Variants in NEK6 observed in about 807,000 individuals in gnomAD.
NEK6 encodes the protein NIMA related kinase 6.
Under a neutral mutation model 43.5 loss-of-function variants are expected in NEK6, and 27 were observed. The observed-to-expected ratio is 0.62, with a 90% CI of 0.46 to 0.86. NEK6 has a LOEUF of 0.86. Ranked by LOEUF, NEK6 falls within the 40% of genes least tolerant of loss-of-function variation. The probability of loss-of-function intolerance (pLI) is 0.00; values close to 1 mark genes in which losing one functional copy is unlikely to be tolerated. For missense variants in NEK6, 318 were observed against 414.4 expected (o/e 0.77, Z 2.02); for synonymous variants, 167 against 164.1 (o/e 1.02, Z -0.14).
chr9:124,316,397 C>T (rs184586932), intron 4 of NEK6, among the ~76,000 whole-genome samples: 5 of 152,322 alleles, frequency 3.3e-5, no homozygotes. Flanking sequence ...GTGTTACATC[C>T]GGGAGGGCCT....
intron 1 of NEK6, among the ~76,000 whole-genome samples, chr9:124,294,422 G>A (rs948229755): frequency 3.3e-5 from 5 of 152,038 alleles, no homozygotes; most frequent in African/African-American, 1.2e-4. Flanking sequence ...AACCCAGGAG[G>A]CGGAGGTTGC....
chr9:124,321,683 C>T, intron 5 of NEK6, 114 bp downstream of exon 5: 1 of 703,488 alleles, frequency 1.4e-6, no homozygotes. Context: ...AGGCGGCCAC[C>T]CGGGGACCCT....
intron 1 of NEK6, among the ~76,000 whole-genome samples, chr9:124,264,604 A>C (rs1380228441): frequency 6.6e-6 from 1 of 152,152 alleles, no homozygotes; most frequent in Non-Finnish European, 1.5e-5. Context: ...CAGGAGTTTG[A>C]GACCAGCCCA....
intron 8 of NEK6, among the ~76,000 whole-genome samples, chr9:124,344,557 G>A (rs1023675866): frequency 1.3e-5 from 2 of 152,238 alleles, no homozygotes; most frequent in African/African-American, 2.4e-5. Flanking sequence ...GGGAGCCCCC[G>A]GTGGGAGCTG....
At chr9:124,258,941 T>C (rs1209621528) in intron 1 of NEK6, among the ~76,000 whole-genome samples, 1 of 152,248 alleles carries the variant, frequency 6.6e-6, no homozygotes, top group East Asian at 1.9e-4. Flanking sequence ...TCTTTGTTCT[T>C]GTCTCTCTCC....
chr9:124,289,159 G>C (rs978018465), intron 1 of NEK6, among the ~76,000 whole-genome samples: 1 of 123,120 alleles, frequency 8.1e-6, no homozygotes, highest in African/African-American at 3.3e-5. Context: ...TTAAGACTTT[G>C]ATTGGACACC....
intron 1 of NEK6, among the ~76,000 whole-genome samples, chr9:124,274,257 G>A (rs1361869831): frequency 6.6e-6 from 1 of 152,248 alleles, no homozygotes; most frequent in Non-Finnish European, 1.5e-5. Flanking sequence ...GCTGTGGCAG[G>A]GCATGTGATG....
intron 7 of NEK6, 70 bp from the exon 8 acceptor site, chr9:124,339,501 A>T: frequency 9.0e-7 from 1 of 1,117,024 alleles, no homozygotes; most frequent in African/African-American, 1.5e-5. Context: ...CCCTCCCTCC[A>T]ACCTCACCTC....
intron 2 of NEK6, among the ~76,000 whole-genome samples, chr9:124,303,080 C>A (rs899590453): frequency 1.3e-5 from 2 of 152,250 alleles, no homozygotes; most frequent in African/African-American, 4.8e-5. Context: ...CAGCAAGGCA[C>A]CTGATCCGGG....
intron 1 of NEK6, among the ~76,000 whole-genome samples, chr9:124,294,201 A>G (rs983434704): frequency 1.3e-5 from 2 of 152,332 alleles, no homozygotes; most frequent in African/African-American, 4.8e-5. Context: ...CCCCGTCTCT[A>G]CTAAAACTAC....
At chr9:124,295,291 C>T (rs965565686) in intron 1 of NEK6, among the ~76,000 whole-genome samples, 1 of 152,214 alleles carries the variant, frequency 6.6e-6, no homozygotes. Flanking sequence ...AGGACCCGGC[C>T]GGAAACCAGA....
At chr9:124,292,539 G>C (rs1393537118) in intron 1 of NEK6, 5 of 1,536,846 alleles carry the variant, frequency 3.3e-6, no homozygotes, top group African/African-American at 1.4e-5. Context: ...TGGGACCCAG[G>C]GTGAGTTTTT....
At chr9:124,327,301 C>T (rs1564650318) in intron 6 of NEK6, 37 bp from the exon 7 acceptor site, 7 of 1,578,392 alleles carry the variant, frequency 4.4e-6, no homozygotes, top group Middle Eastern at 3.3e-4. Flanking sequence ...CCCCAAGCCT[C>T]CTACCCCACA....
At chr9:124,271,722 C>A (rs1269753182) in intron 1 of NEK6, among the ~76,000 whole-genome samples, 1 of 152,272 alleles carries the variant, frequency 6.6e-6, no homozygotes, top group Non-Finnish European at 1.5e-5. Context: ...GGCTGGGCCT[C>A]TTGCCCCCAC....
intron 1 of NEK6, among the ~76,000 whole-genome samples, chr9:124,270,274 G>A (rs938155488): frequency 2.0e-5 from 3 of 152,152 alleles, no homozygotes; most frequent in East Asian, 3.9e-4. Context: ...GGCAATGAAC[G>A]GCCAACCCTA....
At chr9:124,325,560 C>T (rs969857374) in intron 5 of NEK6, among the ~76,000 whole-genome samples, 2 of 152,258 alleles carry the variant, frequency 1.3e-5, no homozygotes, top group Non-Finnish European at 2.9e-5. Flanking sequence ...AGTCCTGCCC[C>T]ACAGGCATGG....
At chr9:124,291,716 C>A in intron 1 of NEK6, 1 of 565,390 alleles carries the variant, frequency 1.8e-6, no homozygotes, top group Non-Finnish European at 2.2e-6. Flanking sequence ...GGAGCGAGCA[C>A]AAGGACCAAA....
At position 124,285,618 on chromosome 9, in the gene NEK6, G is replaced by A. The variant is rs146237168; in HGVS notation, c.-29-16318G>A. ...CCGAGCAACAGCCGAGATTGAGGAGGATGGTTCAGGATCTCCAAACACAGG... is the reference window on the plus strand; with the variant it reads ...CCGAGCAACAGCCGAGATTGAGGAGAATGGTTCAGGATCTCCAAACACAGG... On this transcript the variant is annotated intron_variant, in intron 1 of 9. Transcript: ENST00000320246. Among the ~76,000 whole-genome samples, 432 of 152,276 alleles carry A rather than the reference G, an allele frequency of 2.8e-3. 7 individuals are homozygous for A. The highest frequency in any genetic ancestry group is 6.2e-3 in the Admixed American group (94 of 15,282).
Position 124,347,023 on chromosome 9 carries a change from G to A in NEK6, c.718-686G>A, listed in dbSNP as rs72761447. Among the ~76,000 whole-genome samples, 962 of 152,328 alleles carry A rather than the reference G, an allele frequency of 6.3e-3. 10 individuals are homozygous for A. The highest frequency in any genetic ancestry group is 0.011 in the Non-Finnish European group (734 of 68,024). On this transcript the variant is annotated intron_variant, in intron 8 of 9. Coordinates refer to ENST00000320246, the MANE Select transcript of NEK6 (RefSeq NM_014397.6). ...ACACAGCGAGTGCAGAGCTGGGGTC[G>A]GGACAGAGCTAGGGCTGGCTGTGGA...
Sources: allele counts gnomAD v4.1 joint callset (sites outside exome capture counted in the v4.1 genomes callset), GRCh38; gene constraint gnomAD v4.1.1; transcripts MANE v1.5; gene names NCBI Gene and HGNC (gene_info 2026-07-23, HGNC 2026-07-21).